ATRN: variants seen among roughly 807,000 people sequenced by gnomAD.
ATRN encodes the protein attractin-2.
ATRN carries 54 observed loss-of-function variants against 178.7 expected under a neutral mutation model. The ratio of observed to expected loss-of-function variants is 0.30; its 90% CI spans 0.24 to 0.38. The LOEUF is 0.38. ATRN is among the 10% of genes least tolerant of loss of function. ATRN has a pLI of 1.00. For missense variants in ATRN, 1,443 were observed against 1,815.1 expected, an observed-to-expected ratio of 0.79 and a Z score of 3.73; for synonymous variants, 636 against 663.0, an observed-to-expected ratio of 0.96 and a Z score of 0.63.
At position 3,471,395 on chromosome 20, in the gene ATRN, C is replaced by T. The variant is rs1378352649; in HGVS notation, c.288C>T (p.Ala96=). 1 of 1,488,666 alleles carries T rather than the reference C, an allele frequency of 6.7e-7. No individual in the cohort carries two copies. Among genetic ancestry groups the T allele is most frequent in the Non-Finnish European group, 8.9e-7 (1 of 1,127,666 alleles). The allele number at this position is 1,488,666 out of a possible 1,614,324, so 92.2% of individuals were successfully genotyped here. A position where few individuals can be genotyped will look rare whatever the true frequency, so the allele number is the denominator to read the frequency against. ...AAAAVSGSAA[A]EAKECDRPCV... The stretch of plus-strand genomic sequence containing the variant: ...CGGCGGTGTCGGGCTCAGCCGCAGC[C>T]GAGGCCAAGGAATGTGACCGGCCCT... The change falls in exon 1 of 29, where the codon GCC becomes GCT. Residue 96 remains alanine (A), a synonymous_variant. Transcript: ENST00000262919.
chr20:3,565,796 CAAAAAAAAAAAAA>C (rs10582104), intron 11 of ATRN, among the ~76,000 whole-genome samples: 1 of 100,244 alleles, frequency 1.0e-5, no homozygotes, highest in East Asian at 3.0e-4. Context: ...GACTCTGTCT[CAAAAAAAAAAAAA>C]AAAAAAAAAA....
At chr20:3,637,626 C>G (rs1378827047) in intron 26 of ATRN, among the ~76,000 whole-genome samples, 1 of 152,140 alleles carries the variant, frequency 6.6e-6, no homozygotes, top group Non-Finnish European at 1.5e-5. Context: ...GCATCATGCC[C>G]AGAAAGATCT....
intron 8 of ATRN, 127 bp from the exon 9 acceptor site, chr20:3,562,149 T>C (rs2085961338): frequency 5.1e-6 from 4 of 781,912 alleles, no homozygotes; most frequent in East Asian, 5.1e-5. Flanking sequence ...CTTTAAAATA[T>C]AAAGATAAAA....
intron 19 of ATRN, among the ~76,000 whole-genome samples, chr20:3,592,838 T>C (rs768816468): frequency 1.1e-4 from 16 of 152,222 alleles, no homozygotes; most frequent in Non-Finnish European, 2.4e-4. Context: ...CAATACTTAG[T>C]AGATGTGGGC....
intron 1 of ATRN, among the ~76,000 whole-genome samples, chr20:3,514,983 T>C (rs1019907831): frequency 6.6e-6 from 1 of 152,028 alleles, no homozygotes; most frequent in Non-Finnish European, 1.5e-5. Flanking sequence ...AAAAGATACT[T>C]CCTTAATATA....
At chr20:3,608,150 A>C (rs1419128569) in intron 24 of ATRN, among the ~76,000 whole-genome samples, 1 of 152,128 alleles carries the variant, frequency 6.6e-6, no homozygotes, top group Non-Finnish European at 1.5e-5. Flanking sequence ...ATTTTCTCTC[A>C]TTCTATAAGC....
chr20:3,624,708 C>G (rs1368706966), intron 25 of ATRN, 136 bp downstream of exon 25: 1 of 751,770 alleles, frequency 1.3e-6, no homozygotes, highest in Non-Finnish European at 2.2e-6. Context: ...ATATGTGTTC[C>G]TGAAAAGTTA....
intron 10 of ATRN, 46 bp from the exon 11 acceptor site, chr20:3,565,302 A>G: frequency 6.8e-7 from 1 of 1,471,672 alleles, no homozygotes; most frequent in Non-Finnish European, 9.4e-7. Flanking sequence ...GGTCCTGTTG[A>G]TTAGAAATGG....
chr20:3,504,628 T>G (rs1206375778), intron 1 of ATRN, among the ~76,000 whole-genome samples: 71 of 149,630 alleles, frequency 4.7e-4, no homozygotes. Context: ...GAGGTTGCAG[T>G]GAGCTGAGAT....
At position 3,572,795 on chromosome 20, in the gene ATRN, G is replaced by A. The variant is rs754351763; in HGVS notation, c.1936G>A (p.Glu646Lys). The A allele has an allele frequency of 6.2e-7, 1 of 1,613,904 alleles. No individual in the cohort carries two copies. Among genetic ancestry groups the A allele is most frequent in the Non-Finnish European group, 8.5e-7 (1 of 1,180,006 alleles). ...LLSDILVFTS[E>K]QCDAHRSEAA... The stretch of plus-strand genomic sequence containing the variant: ...CAGCGACATCCTGGTATTCACCTCG[G>A]AACAGTGTGATGCGCATCGGAGTGA... The change falls in exon 12 of 29, where the codon GAA becomes AAA. Residue 646 changes from glutamate (E) to lysine (K), a missense_variant. Around this residue, in one of 4 missense-constraint regions of ATRN, gnomAD observed 862 missense variants for 972.1 expected, o/e 0.89. Transcript: ENST00000262919.
rs1217168223 is a variant in ATRN at position 3,645,266 on chromosome 20, A to G, written c.4165+998A>G. Among the ~76,000 whole-genome samples the G allele has an allele frequency of 6.6e-6, 1 of 152,234 alleles. No homozygotes were observed. The highest frequency in any genetic ancestry group is 1.5e-5 in the Non-Finnish European group (1 of 68,044). Reference sequence around the variant, plus strand: ...GTCCCTTCAGTGCACCCTCAGACCCAGAAGATCCTCCAGCCCAGCTTTAGA... The same window carrying G: ...GTCCCTTCAGTGCACCCTCAGACCCGGAAGATCCTCCAGCCCAGCTTTAGA... On this transcript the variant is annotated intron_variant, in intron 28 of 28. Transcript: ENST00000262919. The surrounding 1 kb of genome is among the most constrained non-coding windows in gnomAD (Gnocchi z 4.7).
intron 2 of ATRN, among the ~76,000 whole-genome samples, chr20:3,539,968 G>T (rs2085595252): frequency 6.6e-6 from 1 of 152,180 alleles, no homozygotes. Flanking sequence ...TTCAGAAGCT[G>T]TTAAAGAGTG....
chr20:3,490,442 G>C (rs2146086551), intron 1 of ATRN: 1 of 937,088 alleles, frequency 1.1e-6, no homozygotes, highest in African/African-American at 1.6e-5. Flanking sequence ...TAATCCTGAA[G>C]TTACTCAAGC....
In ATRN at chr20:3,471,141, C is replaced by T. The variant is rs2084412249; in HGVS notation, c.34C>T (p.Leu12=). 2 of 1,508,998 alleles carry T rather than the reference C, an allele frequency of 1.3e-6. No individual in the cohort carries two copies. Among genetic ancestry groups the T allele is most frequent in the Non-Finnish European group, 1.8e-6 (2 of 1,135,584 alleles). The allele number at this position is 1,508,998 out of a possible 1,614,324, so 93.5% of individuals were successfully genotyped here. Residue 12 remains leucine (L), a synonymous_variant, in exon 1 of 29, where the codon CTG becomes TTG. Transcript: ENST00000262919. Reference sequence around the variant, plus strand: ...TGCAGCGGCGGCAACTGAGGCAAGGCTGAGGAGGAGGACGGCGGCGACGGC... The same window carrying T: ...TGCAGCGGCGGCAACTGAGGCAAGGTTGAGGAGGAGGACGGCGGCGACGGC... ...VAAAAATEAR[L]RRRTAATAAL... is the part of the protein sequence containing the mutation.
intron 1 of ATRN, among the ~76,000 whole-genome samples, chr20:3,516,306 C>G (rs2085205784): frequency 6.6e-6 from 1 of 152,094 alleles, no homozygotes; most frequent in South Asian, 2.1e-4. Context: ...CTAGCCTTAT[C>G]TAGCTGCTTG....
intron 1 of ATRN, among the ~76,000 whole-genome samples, chr20:3,533,574 G>T (rs942650681): frequency 5.9e-5 from 9 of 152,080 alleles, no homozygotes; most frequent in African/African-American, 2.2e-4. Flanking sequence ...GCTGGAGCTT[G>T]AGCCGCTATC....
intron 11 of ATRN, 63 bp downstream of exon 11, chr20:3,565,495 C>T (rs1042128089): frequency 3.8e-5 from 54 of 1,404,754 alleles, no homozygotes; most frequent in Non-Finnish European, 4.7e-5. Flanking sequence ...GGGCCGGGCA[C>T]GGTGGCTCAC....
chr20:3,597,909 C>T lies in ATRN; in HGVS notation c.3473C>T (p.Thr1158Ile), dbSNP rs760113421. 6.3e-7 allele frequency: 1 copy of T among 1,580,834 alleles called. No individual in the cohort carries two copies. The highest frequency in any genetic ancestry group is 8.7e-7 in the Non-Finnish European group (1 of 1,151,262). Residue 1158 changes from threonine (T) to isoleucine (I), a missense_variant, in exon 22 of 29, where the codon ACT becomes ATT. By Grantham distance (89) the Thr-to-Ile change is moderately conservative. Transcript: ENST00000262919. ...GNPLRGTCYYTLLIDYQFTFS... is the reference protein window; with the variant it reads ...GNPLRGTCYYILLIDYQFTFS... ...ATGCATTTCTTTCTTTCCATAGATA[C>T]TCTTCTTATTGACTATCAGTTCACC...
chr20:3,491,441 C>T (rs1256876926), intron 1 of ATRN, among the ~76,000 whole-genome samples: 1 of 152,134 alleles, frequency 6.6e-6, no homozygotes, highest in Admixed American at 6.6e-5. Flanking sequence ...TTCTGGGACT[C>T]CATGCTCTCT....
Sources: allele counts gnomAD v4.1 joint callset (sites outside exome capture counted in the v4.1 genomes callset), GRCh38; gene constraint gnomAD v4.1.1; regional missense constraint gnomAD v4.1.1; non-coding constraint Gnocchi (gnomAD v3.1); transcripts MANE v1.5; gene names NCBI Gene and HGNC (gene_info 2026-07-23, HGNC 2026-07-21).